Variants in PFKFB3 observed in about 807,000 individuals in gnomAD.
PFKFB3 encodes the protein 6-phosphofructo-2-kinase/fructose-2,6-bisphosphatase 3.
In PFKFB3, 33 loss-of-function variants were observed where a neutral mutation model predicts 68.0. The observed-to-expected ratio is 0.49, with a 90% CI of 0.37 to 0.65. The LOEUF (loss-of-function observed/expected upper bound fraction) is 0.65. PFKFB3 is among the 30% of genes least tolerant of loss of function. The pLI is 0.00. For missense variants in PFKFB3, 586 were observed against 712.2 expected, an observed-to-expected ratio of 0.82 and a Z score of 2.02; for synonymous variants, 315 against 288.2, an observed-to-expected ratio of 1.09 and a Z score of -0.94.
chr10:6,323,206 T>C, the PFKFB3 span, among the ~76,000 whole-genome samples: 1 of 152,186 alleles, frequency 6.6e-6, no homozygotes, highest in Non-Finnish European at 1.5e-5. Context: ...TGGGAATTGG[T>C]TTATGCAATT....
At chr10:6,238,610 T>C (rs1279880474), downstream of PFKFB3, among the ~76,000 whole-genome samples, 7 of 151,806 alleles carry the variant, frequency 4.6e-5, no homozygotes, top group African/African-American at 1.7e-4. Context: ...TGTATAGACT[T>C]GTTAAATAGG....
At chr10:6,146,462 C>G in intron 1 of PFKFB3, 1 of 1,535,668 alleles carries the variant, frequency 6.5e-7, no homozygotes, top group Non-Finnish European at 8.7e-7. Flanking sequence ...CGTTTAGTCC[C>G]AAGGCCACTG....
At chr10:6,190,408 G>C (rs1472552896) in intron 1 of PFKFB3, among the ~76,000 whole-genome samples, 1 of 152,206 alleles carries the variant, frequency 6.6e-6, no homozygotes, top group East Asian at 1.9e-4. Flanking sequence ...TCTCCTACAT[G>C]CATTCATTCA....
chr10:6,149,795 C>T (rs1841518600), intron 1 of PFKFB3: 1 of 154,076 alleles, frequency 6.5e-6, no homozygotes, highest in Non-Finnish European at 1.5e-5. Flanking sequence ...TAGAGGAGGA[C>T]TCATCTTCAG....
chr10:6,206,402 T>G lies in PFKFB3; in HGVS notation c.76+3066T>G, dbSNP rs868754257. 4.5e-3 allele frequency among the ~76,000 whole-genome samples: 469 copies of G among 105,064 alleles called. 17 individuals carry two copies. Among genetic ancestry groups the G allele is most frequent in the African/African-American group, 0.016 (421 of 25,930 alleles). The allele number at this position is 105,064 out of a possible 152,430, so 68.9% of individuals were successfully genotyped here. A position where few individuals can be genotyped will look rare whatever the true frequency, so the allele number is the denominator to read the frequency against. The stretch of plus-strand genomic sequence containing the variant: ...CGATTTCTCAATCTTTCCCCGCCCC[T>G]TTCCCCCCTTTCTATTCCACAAAAC... On this transcript the variant is annotated intron_variant, in intron 1 of 14. Transcript: ENST00000379775.
chr10:6,186,500 A>C (rs375269571), intron 1 of PFKFB3, among the ~76,000 whole-genome samples: 1 of 152,236 alleles, frequency 6.6e-6, no homozygotes, highest in African/African-American at 2.4e-5. Context: ...ATTCACCTTC[A>C]CCTTTCTTTT....
chr10:6,322,281 C>A, the PFKFB3 span, among the ~76,000 whole-genome samples: 1 of 152,010 alleles, frequency 6.6e-6, no homozygotes, highest in Non-Finnish European at 1.5e-5. Flanking sequence ...TTCCTTTACA[C>A]ATTCGGCATT....
At chr10:6,243,657 G>A (rs941322920) in intron 14 of PFKFB3, among the ~76,000 whole-genome samples, 12 of 152,224 alleles carry the variant, frequency 7.9e-5, no homozygotes, top group Non-Finnish European at 1.6e-4. Context: ...GAAGGTGTGA[G>A]AGAAATTATT....
chr10:6,249,604 G>T (rs1846331937), intron 14 of PFKFB3, among the ~76,000 whole-genome samples: 1 of 152,172 alleles, frequency 6.6e-6, no homozygotes, highest in South Asian at 2.1e-4. Context: ...GAAAAATACT[G>T]CATGTCCTCA....
At chr10:6,231,885 CGGGCACCCATCACCTCCCGGT>C (rs914113260) in intron 14 of PFKFB3, among the ~76,000 whole-genome samples, 3 of 151,294 alleles carry the variant, frequency 2.0e-5, no homozygotes, top group Non-Finnish European at 4.4e-5. Flanking sequence ...CACCTCTCGG[CGGGCACCCATCACCTCCCGGT>C]GGGCACCCAT....
chr10:6,287,455 AT>A, the PFKFB3 span, among the ~76,000 whole-genome samples: 3 of 152,164 alleles, frequency 2.0e-5, no homozygotes, highest in Admixed American at 2.0e-4. Flanking sequence ...ATAAACAAAT[AT>A]TTACCATAGT....
intron 1 of PFKFB3, among the ~76,000 whole-genome samples, chr10:6,194,344 A>G (rs550670495): frequency 6.6e-6 from 1 of 152,242 alleles, no homozygotes; most frequent in Non-Finnish European, 1.5e-5. Flanking sequence ...TCAGCTCTTG[A>G]CATCACAAGA....
chr10:6,175,507 G>T (rs78502737), intron 1 of PFKFB3, among the ~76,000 whole-genome samples: 1 of 152,222 alleles, frequency 6.6e-6, no homozygotes, highest in Admixed American at 6.5e-5. Context: ...GCGCCAACTA[G>T]CCCGGATCTC....
chr10:6,242,440 C>G (rs1846160466), intron 14 of PFKFB3, among the ~76,000 whole-genome samples: 1 of 152,188 alleles, frequency 6.6e-6, no homozygotes, highest in Non-Finnish European at 1.5e-5. Flanking sequence ...GAAGCAGGTA[C>G]CTCGTTTTCC....
chr10:6,173,485 G>T (rs1842370435), intron 1 of PFKFB3, among the ~76,000 whole-genome samples: 1 of 152,190 alleles, frequency 6.6e-6, no homozygotes, highest in Non-Finnish European at 1.5e-5. Context: ...CAAACTTAAA[G>T]AGGCCTAGGG....
At chr10:6,147,227 C>T (rs1564580977) in intron 1 of PFKFB3, among the ~76,000 whole-genome samples, 2 of 152,242 alleles carry the variant, frequency 1.3e-5, no homozygotes, top group Non-Finnish European at 2.9e-5. Flanking sequence ...GACGCCAGTG[C>T]AGCTACTCTT....
At chr10:6,288,030 T>G in the PFKFB3 span, among the ~76,000 whole-genome samples, 1 of 152,116 alleles carries the variant, frequency 6.6e-6, no homozygotes, top group Non-Finnish European at 1.5e-5. Context: ...AAAGATAATT[T>G]CACTGGGTAC....
chr10:6,189,159 T>A (rs1410515171), intron 1 of PFKFB3, among the ~76,000 whole-genome samples: 1 of 152,122 alleles, frequency 6.6e-6, no homozygotes, highest in Admixed American at 6.6e-5. Flanking sequence ...TTTTTAAGGC[T>A]AATATTCAAT....
At chr10:6,295,063 A>C in the PFKFB3 span, among the ~76,000 whole-genome samples, 1 of 150,878 alleles carries the variant, frequency 6.6e-6, no homozygotes, top group Non-Finnish European at 1.5e-5. Flanking sequence ...ATTGATCTCT[A>C]GTGTGTTTAT....
Sources: allele counts gnomAD v4.1 joint callset (sites outside exome capture counted in the v4.1 genomes callset), GRCh38; gene constraint gnomAD v4.1.1; transcripts MANE v1.5; gene names NCBI Gene and HGNC (gene_info 2026-07-23, HGNC 2026-07-21).